Variants in MANBAL observed in about 807,000 individuals in gnomAD.
MANBAL encodes the protein mannosidase beta like.
In MANBAL, 1 loss-of-function variant was observed where a neutral mutation model predicts 6.4. The observed-to-expected ratio is 0.16, with a 90% CI of 0.06 to 0.74. The LOEUF (loss-of-function observed/expected upper bound fraction) is 0.74. MANBAL is among the 30% of genes least tolerant of loss of function. The pLI, the probability that MANBAL is intolerant of heterozygous loss-of-function variation, is 0.78. For synonymous variants in MANBAL, 47 were observed against 45.8 expected (o/e 1.03, Z -0.10); for missense variants, 100 against 107.8 (o/e 0.93, Z 0.32).
At chr20:37,303,696 C>T (rs986127171) in intron 2 of MANBAL, among the ~76,000 whole-genome samples, 4 of 152,334 alleles carry the variant, frequency 2.6e-5, no homozygotes, top group African/African-American at 9.6e-5. Flanking sequence ...GAAACAGGCG[C>T]AGGCGTCTGA....
At chr20:37,293,370 C>A (rs1480631330) in intron 1 of MANBAL, among the ~76,000 whole-genome samples, 6 of 152,312 alleles carry the variant, frequency 3.9e-5, no homozygotes, top group African/African-American at 1.2e-4. Context: ...AAGGAGCACA[C>A]AGCCTAGATC....
At chr20:37,315,931 G>A (rs998026444) in intron 2 of MANBAL, among the ~76,000 whole-genome samples, 10 of 152,262 alleles carry the variant, frequency 6.6e-5, no homozygotes, top group Admixed American at 3.9e-4. Flanking sequence ...TGCTTTCCAC[G>A]TAGTTTTGCC....
At chr20:37,300,036 A>G (rs2069097302) in intron 1 of MANBAL, among the ~76,000 whole-genome samples, 1 of 152,156 alleles carries the variant, frequency 6.6e-6, no homozygotes, top group African/African-American at 2.4e-5. Context: ...GCTTATTGGC[A>G]GGGGCCTCCT....
At position 37,301,354 on chromosome 20, in the gene MANBAL, A is replaced by G. The variant is rs199667415; in HGVS notation, c.91A>G (p.Ile31Val). Residue 31 changes from isoleucine (I) to valine (V), a missense_variant, in exon 2 of 3, where the codon ATC becomes GTC. Coordinates refer to ENST00000373606, the MANE Select transcript of MANBAL (RefSeq NM_001003897.2). ...LLRYGLFLGA[I>V]FQLICVLAII... Reference sequence around the variant, plus strand: ...ACGGTACGGACTCTTCCTGGGAGCCATCTTCCAGCTCATCTGTGTGCTGGC... The same window carrying G: ...ACGGTACGGACTCTTCCTGGGAGCCGTCTTCCAGCTCATCTGTGTGCTGGC... 2.5e-6 allele frequency: 4 copies of G among 1,613,844 alleles called. No individual in the cohort carries two copies. The South Asian group carries it at 3.3e-5, about 13-fold the overall frequency.
chr20:37,309,520 G>A (rs973280273), intron 2 of MANBAL, among the ~76,000 whole-genome samples: 2 of 152,212 alleles, frequency 1.3e-5, no homozygotes, highest in South Asian at 4.1e-4. Context: ...CCAGCATTGC[G>A]ATCTAGTGGA....
intron 1 of MANBAL, among the ~76,000 whole-genome samples, chr20:37,294,173 T>C (rs577514933): frequency 2.6e-5 from 4 of 152,250 alleles, no homozygotes; most frequent in Non-Finnish European, 5.9e-5. Flanking sequence ...ATGCTTAATA[T>C]TTTGTATTCC....
chr20:37,313,230 A>G (rs777092885), intron 2 of MANBAL, among the ~76,000 whole-genome samples: 8 of 152,046 alleles, frequency 5.3e-5, no homozygotes, highest in Non-Finnish European at 1.2e-4. Context: ...CATAAAAATT[A>G]GCCAGTAGCG....
chr20:37,310,745 T>A (rs770698916), intron 2 of MANBAL, among the ~76,000 whole-genome samples: 1 of 152,200 alleles, frequency 6.6e-6, no homozygotes. Flanking sequence ...GACGCCACTG[T>A]GAACCCAGGA....
rs772778227 is a variant in MANBAL at position 37,301,335 on chromosome 20, C to T, written c.72C>T (p.Tyr24=). 2.2e-5 allele frequency: 36 copies of T among 1,613,752 alleles called. No individual in the cohort carries two copies. The highest frequency in any genetic ancestry group is 6.7e-5 in the East Asian group (3 of 44,886). ...EPTFLENLLR[Y]GLFLGAIFQL... ...CTTTCCTGGAGAACCTGCTACGGTA[C>T]GGACTCTTCCTGGGAGCCATCTTCC... Residue 24 remains tyrosine, a synonymous_variant, in exon 2 of 3, where the codon TAC becomes TAT. Transcript: ENST00000373606.
At chr20:37,300,559 G>A (rs548072657) in intron 1 of MANBAL, among the ~76,000 whole-genome samples, 2 of 152,260 alleles carry the variant, frequency 1.3e-5, no homozygotes, top group Admixed American at 1.3e-4. Flanking sequence ...TCAGTGCTTG[G>A]TATTCAAGAA....
chr20:37,309,255 A>G (rs984061000), intron 2 of MANBAL, among the ~76,000 whole-genome samples: 1 of 152,132 alleles, frequency 6.6e-6, no homozygotes, highest in African/African-American at 2.4e-5. Context: ...TGCCCTTATC[A>G]GTCGGGATTG....
intron 1 of MANBAL, chr20:37,297,359 T>C (rs965617935): frequency 6.6e-6 from 1 of 152,174 alleles, no homozygotes; most frequent in Non-Finnish European, 1.5e-5. Flanking sequence ...GTCAAATCCT[T>C]CCTGGGAGGA....
At chr20:37,302,320 T>C (rs368859769) in intron 2 of MANBAL, 47 of 1,550,516 alleles carry the variant, frequency 3.0e-5, no homozygotes, top group African/African-American at 1.1e-4. Flanking sequence ...AGTCAGGTTA[T>C]TGGGTACGAA....
At chr20:37,290,604 G>T (rs1465582418) in intron 1 of MANBAL, among the ~76,000 whole-genome samples, 1 of 152,052 alleles carries the variant, frequency 6.6e-6, no homozygotes, top group Non-Finnish European at 1.5e-5. Context: ...GATTACAGAC[G>T]TGTGCCACCA....
At chr20:37,294,747 T>G (rs1448615080) in intron 1 of MANBAL, among the ~76,000 whole-genome samples, 1 of 152,212 alleles carries the variant, frequency 6.6e-6, no homozygotes, top group African/African-American at 2.4e-5. Context: ...CTGTATGTAT[T>G]GTAATACTCA....
intron 1 of MANBAL, among the ~76,000 whole-genome samples, chr20:37,292,552 G>A (rs1490157764): frequency 1.3e-5 from 2 of 152,116 alleles, no homozygotes; most frequent in East Asian, 3.9e-4. Context: ...CACCTGCCTT[G>A]GCCTCCTGAT....
chr20:37,310,471 G>A (rs1198334982), intron 2 of MANBAL, among the ~76,000 whole-genome samples: 1 of 152,224 alleles, frequency 6.6e-6, no homozygotes, highest in African/African-American at 2.4e-5. Context: ...TAAGGTGCAC[G>A]AAGATGCCTG....
intron 2 of MANBAL, among the ~76,000 whole-genome samples, chr20:37,303,747 A>G (rs976629145): frequency 1.3e-5 from 2 of 152,304 alleles, no homozygotes; most frequent in Admixed American, 6.5e-5. Context: ...ATTTGTGGCA[A>G]TGTGTGTGAA....
intron 1 of MANBAL, among the ~76,000 whole-genome samples, chr20:37,294,967 ATAAT>A (rs921404560): frequency 5.3e-5 from 8 of 152,242 alleles, no homozygotes; most frequent in South Asian, 2.1e-4. Flanking sequence ...ACGTTCAGTA[ATAAT>A]TAATTATGCA....
Sources: gnomAD v4.1 joint callset for allele counts (sites outside exome capture counted in the v4.1 genomes callset) on GRCh38, gnomAD v4.1.1 for gene constraint, MANE v1.5 for transcripts, NCBI Gene and HGNC (gene_info 2026-07-23, HGNC 2026-07-21) for gene names.